The following ADHFE1 variants were observed in gnomAD, a reference collection of about 807,000 sequenced individuals.
ADHFE1 encodes the protein alcohol dehydrogenase iron containing 1, also known as hydroxyacid-oxoacid transhydrogenase, mitochondrial.
ADHFE1 carries 37 observed loss-of-function variants against 54.8 expected under a neutral mutation model. The ratio of observed to expected loss-of-function variants is 0.68; its 90% CI spans 0.52 to 0.89. The LOEUF (loss-of-function observed/expected upper bound fraction) is 0.89. ADHFE1 is among the 40% of genes least tolerant of loss of function. The pLI is 0.00. For missense variants in ADHFE1, 601 were observed against 591.2 expected, an observed-to-expected ratio of 1.02 and a Z score of -0.17; for synonymous variants, 203 against 229.3, an observed-to-expected ratio of 0.89 and a Z score of 1.04.
chr8:66,442,089 A>G (rs1328294303), intron 2 of ADHFE1, among the ~76,000 whole-genome samples: 2 of 152,154 alleles, frequency 1.3e-5, no homozygotes, highest in Non-Finnish European at 2.9e-5. Context: ...AAAAAAAACA[A>G]TTCAAACAAG....
intron 3 of ADHFE1, among the ~76,000 whole-genome samples, chr8:66,443,268 T>TTTTTTTTTTTG (rs1805856377): frequency 2.1e-5 from 1 of 48,428 alleles, no homozygotes; most frequent in African/African-American, 1.3e-4. Context: ...CCAGGAATTT[T>TTTTTTTTTTTG]TTTTTTTTTT....
chr8:66,444,813 G>A, intron 5 of ADHFE1, 65 bp downstream of exon 5: 2 of 1,593,270 alleles, frequency 1.3e-6, no homozygotes, highest in Non-Finnish European at 1.7e-6. Context: ...ATTAAAACTT[G>A]CCCCCAACCA....
At chr8:66,440,130 GT>G (rs200864463) in intron 1 of ADHFE1, 31 bp from the exon 2 acceptor site, 35 of 1,600,240 alleles carry the variant, frequency 2.2e-5, no homozygotes, top group African/African-American at 4.1e-5. Flanking sequence ...TTCACCTTAG[GT>G]TTTTTTTGCT....
chr8:66,452,783 T>C (rs1427909770), intron 9 of ADHFE1, among the ~76,000 whole-genome samples: 1 of 152,228 alleles, frequency 6.6e-6, no homozygotes, highest in Non-Finnish European at 1.5e-5. Context: ...TGTATAGCCA[T>C]AGGCTACAGG....
At chr8:66,465,747 G>A (rs1042676956) in intron 13 of ADHFE1, among the ~76,000 whole-genome samples, 2 of 151,328 alleles carry the variant, frequency 1.3e-5, no homozygotes, top group Non-Finnish European at 2.9e-5. Flanking sequence ...CTACAGGCGT[G>A]CACCACCACA....
Position 66,442,864 on chromosome 8 carries a change from T to C in ADHFE1, c.144+20T>C. 1 of 1,541,470 alleles carries C rather than the reference T, an allele frequency of 6.5e-7. No individual in the cohort carries two copies. Among genetic ancestry groups the C allele is most frequent in the Non-Finnish European group, 8.7e-7 (1 of 1,146,888 alleles). The stretch of plus-strand genomic sequence containing the variant: ...TTTGAGGTATATTCACTCAATCCAT[T>C]ATTTCTTTTATGAATGACTAGAAAA... On this transcript the variant is annotated intron_variant, in intron 3 of 13. Coordinates refer to ENST00000396623, the MANE Select transcript of ADHFE1 (RefSeq NM_144650.3).
intron 6 of ADHFE1, 138 bp from the exon 7 acceptor site, chr8:66,447,126 A>G: frequency 1.7e-6 from 1 of 590,756 alleles, no homozygotes; most frequent in South Asian, 2.4e-5. Context: ...ATACATGTTA[A>G]TTCATATATA....
At chr8:66,432,710 C>T (rs906058744) in intron 1 of ADHFE1, 135 bp downstream of exon 1, 16 of 1,233,124 alleles carry the variant, frequency 1.3e-5, no homozygotes, top group African/African-American at 1.6e-5. Context: ...CCGCCCTGGG[C>T]TCCCACCGCG....
At position 66,439,126 on chromosome 8, in the gene ADHFE1, C is replaced by G; in HGVS notation, c.60-1036C>G. The G allele has an allele frequency of 1.1e-6, 1 of 937,060 alleles. No homozygotes were observed. The highest frequency in any genetic ancestry group is 1.3e-6 in the Non-Finnish European group (1 of 785,870). 58.0% of individuals were successfully genotyped at this position (937,060 alleles called of 1,614,324 possible). On this transcript the variant is annotated intron_variant, in intron 1 of 13. Transcript: ENST00000396623. The surrounding 1 kb of genome is among the most constrained non-coding windows in gnomAD (Gnocchi z 4.4). ...GCGACTCGCGCCAGCTCTCACTCGC[C>G]CCCGCGTCTGCTTTGACTTCGCAGT...
At chr8:66,443,530 G>A (rs769800415) in intron 3 of ADHFE1, among the ~76,000 whole-genome samples, 10 of 151,994 alleles carry the variant, frequency 6.6e-5, no homozygotes, top group Admixed American at 1.3e-4. Flanking sequence ...TGACCACCTC[G>A]GCCTCCCAAA....
chr8:66,458,562 A>G (rs757286445), intron 12 of ADHFE1, among the ~76,000 whole-genome samples: 11 of 152,238 alleles, frequency 7.2e-5, no homozygotes, highest in South Asian at 2.1e-4. Context: ...CATAGGCTAC[A>G]TTTATGATAA....
Position 66,468,844 on chromosome 8 carries a change from A to C in ADHFE1, c.*492A>C, listed in dbSNP as rs59292708. 0.033 allele frequency: 5,051 copies of C among 153,146 alleles called. 159 individuals are homozygous for C. Among genetic ancestry groups the C allele is most frequent in the African/African-American group, 0.062 (2,585 of 41,578 alleles). The allele number at this position is 153,146 out of a possible 1,614,324, so 9.5% of individuals were successfully genotyped here. ...TTCATTATTGGTATATAGATCACTT[A>C]TAGTATACTAGACAGTGGAATACTA... On this transcript the variant is annotated 3_prime_UTR_variant, in exon 14 of 14. Transcript: ENST00000396623.
intron 12 of ADHFE1, chr8:66,459,430 A>ATATT (rs1191407388): frequency 7.9e-5 from 10 of 126,768 alleles, no homozygotes; most frequent in South Asian, 2.6e-4. Context: ...ATATATATAT[A>ATATT]TTTTTTTTTT....
At position 66,439,867 on chromosome 8, in the gene ADHFE1, A is replaced by G. The variant is rs1805657152; in HGVS notation, c.60-295A>G. The G allele has an allele frequency of 1.2e-6, 1 of 860,010 alleles. No homozygotes were observed. Among genetic ancestry groups the G allele is most frequent in the Non-Finnish European group, 1.5e-6 (1 of 649,256 alleles). The allele number at this position is 860,010 out of a possible 1,614,324, so 53.3% of individuals were successfully genotyped here. A position where few individuals can be genotyped will look rare whatever the true frequency, so the allele number is the denominator to read the frequency against. On this transcript the variant is annotated intron_variant, in intron 1 of 13. Transcript: ENST00000396623. This position sits in a 1 kb window ranked among gnomAD's most constrained non-coding sequence, Gnocchi z 4.4. Reference sequence around the variant, plus strand: ...CCAGAGACCCCCATCTTAAACTTGCATGTACCCCCAGAGCGTTTATCTCAG... The same window carrying G: ...CCAGAGACCCCCATCTTAAACTTGCGTGTACCCCCAGAGCGTTTATCTCAG...
At chr8:66,451,053 T>C (rs1221195302) in intron 8 of ADHFE1, among the ~76,000 whole-genome samples, 1 of 152,184 alleles carries the variant, frequency 6.6e-6, no homozygotes, top group Non-Finnish European at 1.5e-5. Context: ...GAGGCCCCCA[T>C]GGGGAATTAT....
rs749195789 is a variant in ADHFE1, at chr8:66,452,108, A to T, written c.887+3A>T. 6.2e-7 allele frequency: 1 copy of T among 1,613,794 alleles called. No individual in the cohort carries two copies. The highest frequency in any genetic ancestry group is 1.3e-5 in the African/African-American group (1 of 74,926). On this transcript the variant is annotated splice_donor_region_variant and intron_variant, in intron 9 of 13. Transcript: ENST00000396623. ...ATCGTGGCTAAGTATCTGAAGAGGT[A>T]TGTCACCCCGAAGGGGATAGAAATA...
rs746779933 is a variant in ADHFE1 at position 66,445,275 on chromosome 8, C to T, written c.411C>T (p.Val137=). Residue 137 remains valine (V), a synonymous_variant, in exon 6 of 14, where the codon GTC becomes GTT. Coordinates refer to ENST00000396623, the MANE Select transcript of ADHFE1 (RefSeq NM_144650.3). The part of the protein sequence containing the change: ...QKGAFDAYVA[V]GGGSTMDTCK... ...GAGCTTTTGATGCCTATGTTGCTGT[C>T]GGTGGTGGCTCTACCATGGACACCT... The T allele has an allele frequency of 9.0e-5, 145 of 1,613,520 alleles. No homozygotes were observed. Among genetic ancestry groups the T allele is most frequent in the Non-Finnish European group, 1.1e-4 (133 of 1,179,960 alleles).
intron 13 of ADHFE1, 84 bp from the exon 14 acceptor site, chr8:66,468,185 G>C: frequency 9.9e-7 from 1 of 1,007,210 alleles, no homozygotes; most frequent in Non-Finnish European, 1.5e-6. Flanking sequence ...TGATTCTTAT[G>C]ACCAAGTTAA....
intron 6 of ADHFE1, among the ~76,000 whole-genome samples, chr8:66,446,120 C>T (rs954420859): frequency 6.6e-6 from 1 of 152,172 alleles, no homozygotes; most frequent in Non-Finnish European, 1.5e-5. Flanking sequence ...CTCTCCTGCC[C>T]TATTGTGAAG....
Sources: gnomAD v4.1 joint callset for allele counts (sites outside exome capture counted in the v4.1 genomes callset) on GRCh38, gnomAD v4.1.1 for gene constraint, Gnocchi (gnomAD v3.1) non-coding constraint, MANE v1.5 for transcripts, NCBI Gene and HGNC (gene_info 2026-07-23, HGNC 2026-07-21) for gene names.